Variants in ZMAT4 observed in about 807,000 individuals in gnomAD.
ZMAT4 encodes zinc finger matrin-type 4, also known as zinc finger matrin-type protein 4.
ZMAT4 carries 17 observed loss-of-function variants against 28.7 expected under a neutral mutation model. The observed-to-expected ratio is 0.59, with a 90% confidence interval of 0.41 to 0.89. The LOEUF (loss-of-function observed/expected upper bound fraction) is 0.89. Among genes scored for constraint, ZMAT4 ranks in the 40% least tolerant of loss-of-function variants. The pLI is 0.00. For synonymous variants in ZMAT4, 117 were observed against 109.2 expected (o/e 1.07, Z -0.44); for missense variants, 240 against 283.8 (o/e 0.85, Z 1.11).
chr8:40,702,474 A>C (rs1027392442), intron 3 of ZMAT4, among the ~76,000 whole-genome samples: 1 of 152,238 alleles, frequency 6.6e-6, no homozygotes, highest in African/African-American at 2.4e-5. Flanking sequence ...ATGTTTGTGG[A>C]GTAACCTAAG....
chr8:40,614,824 C>T (rs1292494872), intron 5 of ZMAT4, among the ~76,000 whole-genome samples: 1 of 152,128 alleles, frequency 6.6e-6, no homozygotes. Context: ...TGTGTCTCTG[C>T]ACGTGAGATG....
intron 6 of ZMAT4, among the ~76,000 whole-genome samples, chr8:40,553,821 T>C (rs1262318349): frequency 6.6e-6 from 1 of 152,148 alleles, no homozygotes; most frequent in African/African-American, 2.4e-5. Flanking sequence ...GACTGTTAGA[T>C]GATAGGGAGA....
intron 3 of ZMAT4, among the ~76,000 whole-genome samples, chr8:40,723,784 A>G (rs1811206722): frequency 6.6e-6 from 1 of 152,174 alleles, no homozygotes; most frequent in Non-Finnish European, 1.5e-5. Context: ...GAGGAGGGCC[A>G]GGGGATAGAT....
intron 3 of ZMAT4, 32 bp from the exon 4 acceptor site, chr8:40,697,433 G>A (rs781676567): frequency 1.3e-6 from 2 of 1,488,522 alleles, no homozygotes; most frequent in Non-Finnish European, 9.0e-7. Flanking sequence ...CCACGTGTGA[G>A]AGAAACCCAT....
At chr8:40,742,434 T>C (rs936059086) in intron 3 of ZMAT4, among the ~76,000 whole-genome samples, 7 of 151,322 alleles carry the variant, frequency 4.6e-5, no homozygotes, top group Non-Finnish European at 8.8e-5. Context: ...AGTAAAGAAA[T>C]CTGAAAGGAT....
At chr8:40,739,701 C>A (rs1382457827) in intron 3 of ZMAT4, among the ~76,000 whole-genome samples, 1 of 152,174 alleles carries the variant, frequency 6.6e-6, no homozygotes, top group East Asian at 1.9e-4. Context: ...CATAGGTATA[C>A]CTGTGCCGTG....
intron 3 of ZMAT4, among the ~76,000 whole-genome samples, chr8:40,749,891 C>T (rs1484431940): frequency 6.6e-6 from 1 of 152,218 alleles, no homozygotes; most frequent in Non-Finnish European, 1.5e-5. Context: ...CACAGCAATG[C>T]TTACATGATA....
At chr8:40,728,514 T>C (rs1811400325) in intron 3 of ZMAT4, among the ~76,000 whole-genome samples, 1 of 152,186 alleles carries the variant, frequency 6.6e-6, no homozygotes, top group Admixed American at 6.5e-5. Context: ...TGTGCCATTG[T>C]AGGATGCTGA....
intron 3 of ZMAT4, among the ~76,000 whole-genome samples, chr8:40,748,998 G>A (rs1812351826): frequency 6.6e-6 from 1 of 152,140 alleles, no homozygotes; most frequent in African/African-American, 2.4e-5. Context: ...TAAGTCTCAT[G>A]AGATCTGATG....
chr8:40,556,375 C>A (rs560424165), intron 6 of ZMAT4, among the ~76,000 whole-genome samples: 9 of 152,290 alleles, frequency 5.9e-5, no homozygotes, highest in East Asian at 1.9e-4. Context: ...CTCAAACGAG[C>A]ATTTCCTCCT....
intron 5 of ZMAT4, among the ~76,000 whole-genome samples, chr8:40,602,561 C>T (rs145711008): frequency 1.3e-5 from 2 of 152,066 alleles, no homozygotes; most frequent in African/African-American, 4.8e-5. Flanking sequence ...TGATTATGGC[C>T]ATTCTTACAG....
At chr8:40,616,454 C>T (rs1405843359) in intron 5 of ZMAT4, among the ~76,000 whole-genome samples, 2 of 152,154 alleles carry the variant, frequency 1.3e-5, no homozygotes, top group Non-Finnish European at 2.9e-5. Flanking sequence ...TATTGTGGCA[C>T]TATTTACAAT....
chr8:40,797,976 G>A (rs886841687), intron 2 of ZMAT4, among the ~76,000 whole-genome samples: 1 of 152,190 alleles, frequency 6.6e-6, no homozygotes, highest in Non-Finnish European at 1.5e-5. Context: ...AGGTCCTAGG[G>A]AGGCAGTATC....
At chr8:40,697,531 T>C in intron 3 of ZMAT4, 130 bp from the exon 4 acceptor site, 1 of 738,996 alleles carries the variant, frequency 1.4e-6, no homozygotes, top group Non-Finnish European at 1.9e-6. Flanking sequence ...CTCTCTCTTT[T>C]TGCCTTGCTT....
chr8:40,670,838 G>T (rs1440477090), intron 5 of ZMAT4, among the ~76,000 whole-genome samples: 1 of 152,112 alleles, frequency 6.6e-6, no homozygotes, highest in Non-Finnish European at 1.5e-5. Flanking sequence ...GGAGGCCAAG[G>T]TGGGCAGATC....
intron 1 of ZMAT4, among the ~76,000 whole-genome samples, chr8:40,879,231 G>A (rs1818140565): frequency 6.6e-6 from 1 of 151,122 alleles, no homozygotes; most frequent in African/African-American, 2.4e-5. Context: ...AGACCATCCT[G>A]AGCAACGTGG....
intron 4 of ZMAT4, among the ~76,000 whole-genome samples, chr8:40,682,774 G>A (rs962721725): frequency 5.3e-5 from 8 of 152,122 alleles, no homozygotes; most frequent in East Asian, 1.9e-4. Flanking sequence ...GTCAGTCTTC[G>A]TTAAGAGAGT....
At chr8:40,734,272 C>T (rs1224069807) in intron 3 of ZMAT4, among the ~76,000 whole-genome samples, 2 of 152,166 alleles carry the variant, frequency 1.3e-5, no homozygotes, top group Non-Finnish European at 2.9e-5. Context: ...GTACCTGTAA[C>T]ACCCCACTGC....
chr8:40,881,433 G>GAGAAAGAAAGAAAGAAAGAAAGAAGAA (rs1818221724), intron 1 of ZMAT4, among the ~76,000 whole-genome samples: 3 of 70,228 alleles, frequency 4.3e-5, no homozygotes, highest in African/African-American at 1.8e-4. Context: ...AGAAGAAAGA[G>GAGAAAGAAAGAAAGAAAGAAAGAAGAA]AGAAAGAAAG....
Sources: allele counts gnomAD v4.1 joint callset (sites outside exome capture counted in the v4.1 genomes callset), GRCh38; gene constraint gnomAD v4.1.1; transcripts MANE v1.5; gene names NCBI Gene and HGNC (gene_info 2026-07-23, HGNC 2026-07-21).